Variants in CDH13 observed in about 807,000 individuals in gnomAD.
CDH13 encodes the protein cadherin-13.
In CDH13, 24 loss-of-function variants were observed where a neutral mutation model predicts 63.8. The ratio of observed to expected loss-of-function variants is 0.38; its 90% CI spans 0.27 to 0.53. CDH13 has a LOEUF of 0.53. Ranked by LOEUF, CDH13 falls within the 20% of genes least tolerant of loss-of-function variation. The pLI is 0.85. For synonymous variants in CDH13, 503 were observed against 355.3 expected (o/e 1.42, Z -4.67); for missense variants, 1,049 against 903.1 (o/e 1.16, Z -2.07).
intron 2 of CDH13, among the ~76,000 whole-genome samples, chr16:82,980,984 C>G (rs1910185111): frequency 6.6e-6 from 1 of 152,096 alleles, no homozygotes; most frequent in African/African-American, 2.4e-5. Flanking sequence ...CTGCTTTTTT[C>G]TCATCCCCTA....
chr16:82,731,972 T>TC (rs2033426814), intron 1 of CDH13, among the ~76,000 whole-genome samples: 1 of 152,160 alleles, frequency 6.6e-6, no homozygotes, highest in South Asian at 2.1e-4. Flanking sequence ...AATCTCTTCT[T>TC]CCCTTTGCCT....
At chr16:83,367,787 A>G (rs1597845052) in intron 6 of CDH13, among the ~76,000 whole-genome samples, 2 of 152,188 alleles carry the variant, frequency 1.3e-5, no homozygotes, top group South Asian at 4.1e-4. Context: ...AAATTTTGAA[A>G]TCAACGTTTC....
chr16:83,547,890 T>A (rs537552675), intron 7 of CDH13, among the ~76,000 whole-genome samples: 66 of 152,212 alleles, frequency 4.3e-4, no homozygotes, highest in African/African-American at 1.6e-3. Flanking sequence ...TCCTGGGGCA[T>A]CAGGAGCTGC....
chr16:83,677,676 T>C (rs1030357115), intron 9 of CDH13, among the ~76,000 whole-genome samples: 1 of 152,156 alleles, frequency 6.6e-6, no homozygotes, highest in Non-Finnish European at 1.5e-5. Context: ...TATAAAACTT[T>C]GGTTTTCCTG....
rs146934139 is a variant in CDH13, at chr16:83,451,808, C to T, written c.782-34669C>T. 6.6e-5 allele frequency among the ~76,000 whole-genome samples: 10 copies of T among 152,342 alleles called. No individual in the cohort carries two copies. In the East Asian group the frequency reaches 1.2e-3, roughly 18 times the overall value. ...GCTGGCATTACAGGCATGTGCCACA[C>T]GATGCCCAGTCCATTTTATTTCGTA... On this transcript the variant is annotated intron_variant, in intron 6 of 13. Coordinates refer to ENST00000567109, the MANE Select transcript of CDH13 (RefSeq NM_001257.5).
intron 1 of CDH13, among the ~76,000 whole-genome samples, chr16:82,787,972 C>T (rs2036102436): frequency 6.6e-6 from 1 of 152,072 alleles, no homozygotes; most frequent in African/African-American, 2.4e-5. Context: ...GATGGTGTCA[C>T]TGTGTCCTCC....
At chr16:83,083,144 C>T (rs2033364119) in intron 3 of CDH13, among the ~76,000 whole-genome samples, 1 of 152,176 alleles carries the variant, frequency 6.6e-6, no homozygotes, top group South Asian at 2.1e-4. Context: ...AGAATTCAGA[C>T]TCTCCCATAA....
intron 1 of CDH13, among the ~76,000 whole-genome samples, chr16:82,800,900 C>G (rs544721456): frequency 3.3e-5 from 5 of 152,090 alleles, no homozygotes; most frequent in Non-Finnish European, 7.3e-5. Context: ...TTTTCATGCA[C>G]CTTATTTCCT....
intron 1 of CDH13, among the ~76,000 whole-genome samples, chr16:82,812,966 C>G (rs892042812): frequency 6.6e-6 from 1 of 152,020 alleles, no homozygotes; most frequent in Non-Finnish European, 1.5e-5. Context: ...AAAGGCTAGA[C>G]TTCAAAACAT....
chr16:83,278,875 C>T (rs1178488766), intron 5 of CDH13, among the ~76,000 whole-genome samples: 1 of 152,156 alleles, frequency 6.6e-6, no homozygotes, highest in African/African-American at 2.4e-5. Context: ...GGGGAAAGGG[C>T]AGGATGTTGA....
chr16:82,650,101 A>G (rs576747036), intron 1 of CDH13, among the ~76,000 whole-genome samples: 153 of 152,308 alleles, frequency 1.0e-3, no homozygotes, highest in African/African-American at 3.5e-3. Context: ...GAGCCTCAAC[A>G]TTGCTCTACC....
chr16:83,629,080 A>G (rs1910562754), intron 8 of CDH13, among the ~76,000 whole-genome samples: 1 of 152,226 alleles, frequency 6.6e-6, no homozygotes, highest in South Asian at 2.1e-4. Flanking sequence ...CTGAGTAAAA[A>G]TGATTTTTGT....
intron 1 of CDH13, among the ~76,000 whole-genome samples, chr16:82,752,381 C>T (rs887973001): frequency 2.0e-5 from 3 of 152,156 alleles, no homozygotes; most frequent in Non-Finnish European, 4.4e-5. Context: ...TGTGCTGACT[C>T]TGTCCCCTCC....
In CDH13 at chr16:82,779,968, C is replaced by T. The variant is rs761116875; in HGVS notation, c.46-78394C>T. Among the ~76,000 whole-genome samples, 55 of 152,238 alleles carry T rather than the reference C, an allele frequency of 3.6e-4. 1 individual carries two copies. The highest frequency in any genetic ancestry group is 5.8e-4 in the African/African-American group (24 of 41,544). Reference sequence around the variant, plus strand: ...TGTTACTGCATCTTACCTTGACAGGCGCACTTTAGGGGATGCAGTCTCTGC... The same window carrying T: ...TGTTACTGCATCTTACCTTGACAGGTGCACTTTAGGGGATGCAGTCTCTGC... On this transcript the variant is annotated intron_variant, in intron 1 of 13. Transcript: ENST00000567109.
chr16:83,378,382 C>T (rs183571842), intron 6 of CDH13, among the ~76,000 whole-genome samples: 48 of 152,300 alleles, frequency 3.2e-4, no homozygotes, highest in African/African-American at 1.1e-3. Context: ...CTGAGAAAAA[C>T]ACATCCCTTG....
intron 1 of CDH13, among the ~76,000 whole-genome samples, chr16:82,841,221 G>A (rs1416516406): frequency 6.6e-6 from 1 of 152,162 alleles, no homozygotes; most frequent in Non-Finnish European, 1.5e-5. Flanking sequence ...TTGAATGGCA[G>A]CCTCTGCAAG....
intron 3 of CDH13, among the ~76,000 whole-genome samples, chr16:83,089,412 G>A (rs1221622387): frequency 6.6e-6 from 1 of 152,252 alleles, no homozygotes; most frequent in Non-Finnish European, 1.5e-5. Flanking sequence ...GGGCACAATA[G>A]TGAACGAAAA....
chr16:82,910,514 T>C (rs2041796809), intron 2 of CDH13, among the ~76,000 whole-genome samples: 1 of 152,196 alleles, frequency 6.6e-6, no homozygotes, highest in Non-Finnish European at 1.5e-5. Flanking sequence ...AGACAAACCT[T>C]GAACTCCCTG....
In CDH13 at chr16:82,644,563, G is replaced by C. The variant is rs1178808728; in HGVS notation, c.45+17426G>C. ...GACCAGGCCCAGTGCACGAGTTTGG[G>C]TGCTGGAAGGGGAGGCTTTATGGAG... On this transcript the variant is annotated intron_variant, in intron 1 of 13. Transcript: ENST00000567109. This position sits in a 1 kb window ranked among gnomAD's most constrained non-coding sequence, Gnocchi z 5.7. Among the ~76,000 whole-genome samples, 1 of 152,220 alleles carries C rather than the reference G, an allele frequency of 6.6e-6. No homozygotes were observed. The highest frequency in any genetic ancestry group is 1.5e-5 in the Non-Finnish European group (1 of 68,042).
Sources: gnomAD v4.1 joint callset for allele counts (sites outside exome capture counted in the v4.1 genomes callset) on GRCh38, gnomAD v4.1.1 for gene constraint, Gnocchi (gnomAD v3.1) non-coding constraint, MANE v1.5 for transcripts, NCBI Gene and HGNC (gene_info 2026-07-23, HGNC 2026-07-21) for gene names.